Variants in FAM83E observed in about 807,000 individuals in gnomAD.
The protein encoded by FAM83E is protein FAM83E.
FAM83E carries 29 observed loss-of-function variants against 34.3 expected under a neutral mutation model. The observed-to-expected ratio is 0.85, with a 90% CI of 0.63 to 1.15. The LOEUF (loss-of-function observed/expected upper bound fraction) is 1.15, where lower values mean the gene tolerates loss of function less well. Ranked by LOEUF, FAM83E falls within the 50% of genes most tolerant of loss-of-function variation. The pLI, the probability that FAM83E is intolerant of heterozygous loss-of-function variation, is 0.00. For synonymous variants in FAM83E, 312 were observed against 311.6 expected (o/e 1.00, Z -0.01); for missense variants, 697 against 685.0 (o/e 1.02, Z -0.20).
intron 5 of FAM83E, among the ~76,000 whole-genome samples, chr19:48,606,040 G>A (rs1330908436): frequency 6.6e-6 from 1 of 151,882 alleles, no homozygotes; most frequent in Non-Finnish European, 1.5e-5. Context: ...GCGTGGTGTG[G>A]TGGCTCACGT....
chr19:48,613,535 C>T lies in FAM83E; in HGVS notation c.-163G>A. On this transcript the variant is annotated 5_prime_UTR_variant, in exon 3 of 7. Transcript: ENST00000263266. ...CTGCAGATGTCCAAATGGCTCCCTG[C>T]AGCAGCCCCTGCCACACTGTTCTGA... is the stretch of plus-strand genomic sequence containing the variant. 7.0e-7 allele frequency: 1 copy of T among 1,425,300 alleles called. No homozygotes were observed. The allele number at this position is 1,425,300 out of a possible 1,614,324, so 88.3% of individuals were successfully genotyped here.
chr19:48,613,669 G>A lies in FAM83E; in HGVS notation c.-297C>T. ...CTGGCTGGCCTTCCGTGACCTTCCTGCCAGCCGTCTCTGCTGGTCAGGTTG... is the reference window on the plus strand; with the variant it reads ...CTGGCTGGCCTTCCGTGACCTTCCTACCAGCCGTCTCTGCTGGTCAGGTTG... On this transcript the variant is annotated 5_prime_UTR_variant, in exon 3 of 7. Coordinates refer to ENST00000263266, the MANE Select transcript of FAM83E (RefSeq NM_017708.4). 1 of 1,270,826 alleles carries A rather than the reference G, an allele frequency of 7.9e-7. No individual in the cohort carries two copies. The highest frequency in any genetic ancestry group is 1.0e-6 in the Non-Finnish European group (1 of 1,004,066). 78.7% of individuals were successfully genotyped at this position (1,270,826 alleles called of 1,614,324 possible).
At chr19:48,604,033 C>T in intron 5 of FAM83E, 122 bp from the exon 6 acceptor site, 1 of 960,254 alleles carries the variant, frequency 1.0e-6, no homozygotes, top group South Asian at 1.7e-5. Context: ...TCTCCAGCCT[C>T]AGCTTCCCTG....
chr19:48,603,626 C>G lies in FAM83E; in HGVS notation c.1044G>C (p.Pro348=). 1.4e-6 allele frequency: 2 copies of G among 1,417,052 alleles called. No individual in the cohort carries two copies. Among genetic ancestry groups the G allele is most frequent in the South Asian group, 1.6e-5 (1 of 63,776 alleles). 87.8% of individuals were successfully genotyped at this position (1,417,052 alleles called of 1,614,324 possible). A position where few individuals can be genotyped will look rare whatever the true frequency, so the allele number is the denominator to read the frequency against. Residue 348 remains proline (P), a synonymous_variant, in exon 6 of 7, where the codon CCG becomes CCC. Transcript: ENST00000263266. ...CACTCCTTAGAATGTCACTGAGTGC[C>G]GGCCCCGGGGTAGCAGGGGAGACGC... ...ACRVSPATPG[P]ALSDILRSVQ...
At chr19:48,601,462 G>A (rs1465120131) in intron 6 of FAM83E, 93 bp from the exon 7 acceptor site, 7 of 1,499,372 alleles carry the variant, frequency 4.7e-6, no homozygotes, top group Non-Finnish European at 6.2e-6. Flanking sequence ...AGGCAAGAGA[G>A]AAGCAGCGAA....
At position 48,611,170 on chromosome 19, in the gene FAM83E, G is replaced by GT. The variant is rs1352374027; in HGVS notation, c.466-324dup. Among the ~76,000 whole-genome samples, 66 of 125,752 alleles carry GT rather than the reference G, an allele frequency of 5.2e-4. 2 individuals carry two copies. In the South Asian group the frequency reaches 7.1e-3, roughly 14 times the overall value. The allele number at this position is 125,752 out of a possible 152,430, so 82.5% of individuals were successfully genotyped here. A position where few individuals can be genotyped will look rare whatever the true frequency, so the allele number is the denominator to read the frequency against. On this transcript the variant is annotated intron_variant, in intron 3 of 6. Coordinates refer to ENST00000263266, the MANE Select transcript of FAM83E (RefSeq NM_017708.4). ...GTTTTTGTTGTTGTTGTTGTTTTTT[G>GT]TTGTTTTTTTTTTTTTGAGACGGAG... is the stretch of plus-strand genomic sequence containing the variant.
chr19:48,608,461 T>TTTG (rs1973976767), intron 5 of FAM83E, among the ~76,000 whole-genome samples: 1 of 148,924 alleles, frequency 6.7e-6, no homozygotes, highest in Non-Finnish European at 1.5e-5. Flanking sequence ...TTTTTATTTT[T>TTTG]TGAGACAGAG....
intron 5 of FAM83E, chr19:48,607,533 C>A: frequency 1.2e-6 from 1 of 823,056 alleles, no homozygotes. Flanking sequence ...CCAGGCCTGA[C>A]TGAGCGGCAG....
At position 48,613,310 on chromosome 19, in the gene FAM83E, G is replaced by A. The variant is rs755257699; in HGVS notation, c.63C>T (p.Ala21=). ...CCTCGGAATATAGAAAGCCGGGGCT[G>A]GCCCCGGGCACCCTGGGACCGGAGT... ...GVDSGPRVPG[A]SPGFLYSEGQ... is the part of the protein sequence containing the mutation. Residue 21 remains alanine, a synonymous_variant, in exon 3 of 7, where the codon GCC becomes GCT. Coordinates refer to ENST00000263266, the MANE Select transcript of FAM83E (RefSeq NM_017708.4). The A allele has an allele frequency of 3.1e-6, 5 of 1,601,856 alleles. No individual in the cohort carries two copies. The highest frequency in any genetic ancestry group is 1.1e-5 in the South Asian group (1 of 90,112).
At chr19:48,610,068 G>A in intron 4 of FAM83E, 68 bp from the exon 5 acceptor site, 2 of 1,569,522 alleles carry the variant, frequency 1.3e-6, no homozygotes, top group Admixed American at 1.7e-5. Context: ...GCTCCCTCCA[G>A]ACTGGTTCTA....
intron 6 of FAM83E, 108 bp downstream of exon 6, chr19:48,603,386 G>A (rs1973864397): frequency 9.2e-7 from 1 of 1,087,076 alleles, no homozygotes; most frequent in Non-Finnish European, 1.2e-6. Context: ...CTCAGGAAAC[G>A]CCTGCTCTGG....
intron 5 of FAM83E, among the ~76,000 whole-genome samples, chr19:48,609,265 CTTTTTT>C (rs869031073): frequency 1.7e-4 from 17 of 99,694 alleles, no homozygotes; most frequent in African/African-American, 4.5e-4. Context: ...TTCTTTCTTT[CTTTTTT>C]TTTTTTTTTT....
At chr19:48,610,398 C>CAAAAA (rs71179016) in intron 4 of FAM83E, among the ~76,000 whole-genome samples, 9 of 31,358 alleles carry the variant, frequency 2.9e-4, no homozygotes, top group South Asian at 3.3e-3. Context: ...CACTCCGTCT[C>CAAAAA]AAAAAAAAAA....
In FAM83E at chr19:48,601,140, G is replaced by A. The variant is rs377132535; in HGVS notation, c.1406C>T (p.Ala469Val). Residue 469 changes from alanine to valine, a missense_variant, in exon 7 of 7, where the codon GCC becomes GTC. Transcript: ENST00000263266. ...TTGCCCCCCAAGTCCTGCCCGGGGG[G>A]CCCAGTCTGACGGCCTGACGCCTCT... Reference protein sequence around the residue: ...EPRGVRPSDWAPRAGLGGQP With the variant: ...EPRGVRPSDWVPRAGLGGQP The A allele has an allele frequency of 4.0e-5, 64 of 1,612,794 alleles. No homozygotes were observed. The highest frequency in any genetic ancestry group is 2.0e-4 in the Admixed American group (12 of 59,814).
Position 48,613,870 on chromosome 19 carries a change from A to G in FAM83E, c.-498T>C. The G allele has an allele frequency of 1.0e-6, 1 of 985,250 alleles. No homozygotes were observed. The highest frequency in any genetic ancestry group is 1.2e-6 in the Non-Finnish European group (1 of 829,876). The allele number at this position is 985,250 out of a possible 1,614,324, so 61.0% of individuals were successfully genotyped here. A position where few individuals can be genotyped will look rare whatever the true frequency, so the allele number is the denominator to read the frequency against. On this transcript the variant is annotated 5_prime_UTR_variant, in exon 3 of 7. Transcript: ENST00000263266. ...GGCGGCAAGCTGCCTGCCTGTCTCT[A>G]ATCACCCAAAGGTCCTTAAAGGCAC... is the stretch of plus-strand genomic sequence containing the variant.
Position 48,613,102 on chromosome 19 carries a change from T to C in FAM83E, c.271A>G (p.Thr91Ala), listed in dbSNP as rs447802. 489,696 of 1,608,686 alleles carry C rather than the reference T, an allele frequency of 0.3. 89,419 individuals are homozygous for C. Among genetic ancestry groups the C allele is most frequent in the East Asian group, 0.76 (33,984 of 44,690 alleles). Residue 91 changes from threonine (T) to alanine (A), a missense_variant, in exon 3 of 7, where the codon ACC becomes GCC. Coordinates refer to ENST00000263266, the MANE Select transcript of FAM83E (RefSeq NM_017708.4). ...CTCAGGCTGCCCGCGTCCACATCGG[T>C]GGTGGTGGCTCCCTCTGCCATCCCG... is the stretch of plus-strand genomic sequence containing the variant. ...PSGMAEGATT[T>A]DVDAGSLSYW...
Position 48,603,503 on chromosome 19 carries a change from C to G in FAM83E, c.1167G>C (p.Gly389=), listed in dbSNP as rs1219616032. 6.4e-7 allele frequency: 1 copy of G among 1,566,606 alleles called. No individual in the cohort carries two copies. Among genetic ancestry groups the G allele is most frequent in the African/African-American group, 1.4e-5 (1 of 71,620 alleles). The change falls in exon 6 of 7, where the codon GGG becomes GGC. Residue 389 remains glycine, a synonymous_variant. Transcript: ENST00000263266. ...AGCCACAAGGTCTCACCTCGTTGTC[C>G]CCATCACTGGAGCCAGACAGCTGGG... ...RLSQLSGSSD[G]DNELKKSWGS...
chr19:48,612,709 C>G (rs1158553467), intron 3 of FAM83E, among the ~76,000 whole-genome samples, 199 bp downstream of exon 3: 1 of 152,080 alleles, frequency 6.6e-6, no homozygotes, highest in African/African-American at 2.4e-5. Flanking sequence ...GCCGGGCCCC[C>G]CTTTCTGAGA....
At chr19:48,603,346 G>T in intron 6 of FAM83E, 148 bp downstream of exon 6, 4 of 719,234 alleles carry the variant, frequency 5.6e-6, no homozygotes, top group Non-Finnish European at 7.9e-6. Context: ...ATGAACAAAC[G>T]ATGCCATTAT....
Sources: allele counts gnomAD v4.1 joint callset (sites outside exome capture counted in the v4.1 genomes callset), GRCh38; gene constraint gnomAD v4.1.1; transcripts MANE v1.5; gene names NCBI Gene and HGNC (gene_info 2026-07-23, HGNC 2026-07-21).